Variants in MAP4K4 observed in about 807,000 individuals in gnomAD.
The protein encoded by MAP4K4 is HPK/GCK-like kinase HGK.
A neutral mutation model predicts 189.6 loss-of-function variants in MAP4K4; 38 were observed. That is an observed-to-expected ratio of 0.20 (90% CI 0.15 to 0.26). MAP4K4 has a LOEUF of 0.26. MAP4K4 is among the 10% of genes least tolerant of loss of function. The probability of loss-of-function intolerance (pLI) is 1.00; values close to 1 mark genes in which losing one functional copy is unlikely to be tolerated. For missense variants in MAP4K4, 1,054 were observed against 1,726.9 expected, an observed-to-expected ratio of 0.61 and a Z score of 6.91; for synonymous variants, 610 against 624.3, an observed-to-expected ratio of 0.98 and a Z score of 0.34.
intron 2 of MAP4K4, among the ~76,000 whole-genome samples, chr2:101,728,391 A>G (rs770049668): frequency 3.9e-5 from 6 of 152,336 alleles, no homozygotes; most frequent in Non-Finnish European, 8.8e-5. Context: ...AGATAAAATT[A>G]TTTGAGATAA....
At chr2:101,814,661 A>T (rs1308989369) in intron 3 of MAP4K4, among the ~76,000 whole-genome samples, 2 of 152,210 alleles carry the variant, frequency 1.3e-5, no homozygotes, top group Non-Finnish European at 2.9e-5. Flanking sequence ...GAGCATCAAG[A>T]GCCAAGGTGA....
exon 15 of MAP4K4, chr2:101,859,704 A>G: frequency 3.7e-6 from 6 of 1,612,544 alleles, no homozygotes; most frequent in Non-Finnish European, 3.4e-6. Flanking sequence ...AGGCAGTTGC[A>G]ACAAGAACAA....
At chr2:101,819,206 G>T (rs1026865801) in intron 3 of MAP4K4, among the ~76,000 whole-genome samples, 1 of 152,134 alleles carries the variant, frequency 6.6e-6, no homozygotes. Context: ...GTTTTTGGTG[G>T]TGCTAGTGGT....
intron 12 of MAP4K4, among the ~76,000 whole-genome samples, chr2:101,846,662 A>G (rs772912193): frequency 3.9e-5 from 6 of 152,236 alleles, no homozygotes; most frequent in Non-Finnish European, 8.8e-5. Context: ...CTGTGAAAAC[A>G]ACAATTTTGT....
At chr2:101,726,974 G>C (rs568097435) in intron 2 of MAP4K4, among the ~76,000 whole-genome samples, 1 of 152,244 alleles carries the variant, frequency 6.6e-6, no homozygotes, top group East Asian at 1.9e-4. Flanking sequence ...CACCTGGCGA[G>C]GGGGGTGAGC....
chr2:101,799,434 C>A (rs1489506390), intron 3 of MAP4K4, among the ~76,000 whole-genome samples: 5 of 152,204 alleles, frequency 3.3e-5, no homozygotes, highest in Admixed American at 6.5e-5. Context: ...CCACCTGCCT[C>A]CCTCCACCTG....
At chr2:101,706,547 A>C (rs963183122) in intron 2 of MAP4K4, among the ~76,000 whole-genome samples, 1 of 152,240 alleles carries the variant, frequency 6.6e-6, no homozygotes, top group Admixed American at 6.5e-5. Context: ...CCTAAAAGGT[A>C]TAACAAATGC....
intron 9 of MAP4K4, among the ~76,000 whole-genome samples, chr2:101,837,667 G>A (rs1276527533): frequency 6.6e-6 from 1 of 152,098 alleles, no homozygotes; most frequent in Non-Finnish European, 1.5e-5. Flanking sequence ...CCCAGTTCAT[G>A]CTTTAATTAA....
intron 2 of MAP4K4, among the ~76,000 whole-genome samples, chr2:101,712,005 C>G (rs1329710363): frequency 1.0e-5 from 1 of 95,498 alleles, no homozygotes; most frequent in East Asian, 3.1e-4. Context: ...TTTAATGATT[C>G]CTTTTGCTGA....
At chr2:101,720,021 T>A (rs745573118) in intron 2 of MAP4K4, among the ~76,000 whole-genome samples, 3 of 150,684 alleles carry the variant, frequency 2.0e-5, no homozygotes, top group Non-Finnish European at 4.4e-5. Context: ...TCAAAAAGAG[T>A]TCAAAAAGGG....
chr2:101,745,334 C>T (rs904676425), intron 2 of MAP4K4, among the ~76,000 whole-genome samples: 1 of 130,038 alleles, frequency 7.7e-6, no homozygotes, highest in Non-Finnish European at 1.6e-5. Flanking sequence ...TATCACCCCC[C>T]CCCCCCCAAT....
chr2:101,777,754 C>T (rs1041881062), intron 2 of MAP4K4, among the ~76,000 whole-genome samples: 20 of 152,136 alleles, frequency 1.3e-4, no homozygotes, highest in African/African-American at 4.3e-4. Context: ...AGAACTAGAG[C>T]ACAGATTTTG....
At chr2:101,894,073 C>T (rs1159014448) in exon 33 of MAP4K4, 2 of 152,304 alleles carry the variant, frequency 1.3e-5, no homozygotes, top group Non-Finnish European at 2.9e-5. Context: ...GATTGGGAGT[C>T]GTCGAAATGT....
chr2:101,877,216 C>T (rs2098228431), intron 27 of MAP4K4, 70 bp downstream of exon 27: 1 of 1,474,738 alleles, frequency 6.8e-7, no homozygotes, highest in East Asian at 2.3e-5. Context: ...ACACACTAAA[C>T]TTCAGTTAGC....
chr2:101,889,292 G>A (rs547614604), intron 32 of MAP4K4, among the ~76,000 whole-genome samples: 29 of 152,280 alleles, frequency 1.9e-4, no homozygotes, highest in Admixed American at 7.2e-4. Flanking sequence ...TGCCATTTGG[G>A]TACATCAAAA....
At chr2:101,732,611 A>C (rs1202231638) in intron 2 of MAP4K4, among the ~76,000 whole-genome samples, 4 of 151,740 alleles carry the variant, frequency 2.6e-5, no homozygotes, top group African/African-American at 7.3e-5. Context: ...TTTGAGACAG[A>C]GTCTTGCTCT....
chr2:101,732,800 G>A (rs543204992), intron 2 of MAP4K4, among the ~76,000 whole-genome samples: 16 of 152,344 alleles, frequency 1.1e-4, no homozygotes, highest in Admixed American at 2.6e-4. Context: ...TGTTGGACAG[G>A]ATGGTCTCGA....
rs36106185 is a variant in MAP4K4, at chr2:101,704,521, ATG to A, written c.123+6003_123+6004del. 8.2e-3 allele frequency among the ~76,000 whole-genome samples: 472 copies of A among 57,274 alleles called. 12 individuals carry two copies. The highest frequency in any genetic ancestry group is 0.037 in the African/African-American group (337 of 9,110). 37.6% of individuals were successfully genotyped at this position (57,274 alleles called of 152,430 possible). A position where few individuals can be genotyped will look rare whatever the true frequency, so the allele number is the denominator to read the frequency against. On this transcript the variant is annotated intron_variant, in intron 2 of 32. Transcript: ENST00000324219. The stretch of plus-strand genomic sequence containing the variant: ...TGCCTTTTTTCTTAACCAATATTTT[ATG>A]TGTGTGTGTGTGTGTGTGTATATAT...
At chr2:101,850,300 ACT>A (rs2097242230) in intron 12 of MAP4K4, among the ~76,000 whole-genome samples, 1 of 152,220 alleles carries the variant, frequency 6.6e-6, no homozygotes, top group Admixed American at 6.5e-5. Context: ...AGGAAAAAAA[ACT>A]CTGTGTGAAA....
Sources: allele counts gnomAD v4.1 joint callset (sites outside exome capture counted in the v4.1 genomes callset), GRCh38; gene constraint gnomAD v4.1.1; transcripts MANE v1.5; gene names NCBI Gene and HGNC (gene_info 2026-07-23, HGNC 2026-07-21).